The following ZC3H11A variants were observed in gnomAD, a reference collection of about 807,000 sequenced individuals.
The protein encoded by ZC3H11A is zinc finger CCCH domain-containing protein 11A.
Under a neutral mutation model 90.8 loss-of-function variants are expected in ZC3H11A, and 22 were observed. The observed-to-expected ratio is 0.24, with a 90% confidence interval of 0.17 to 0.35. The LOEUF (loss-of-function observed/expected upper bound fraction) is 0.35. Among genes scored for constraint, ZC3H11A ranks in the 10% least tolerant of loss-of-function variants. The pLI is 1.00. For synonymous variants in ZC3H11A, 294 were observed against 339.8 expected (o/e 0.87, Z 1.48); for missense variants, 701 against 964.9 (o/e 0.73, Z 3.62).
chr1:203,809,489 A>G (rs1433821163), intron 2 of ZC3H11A, among the ~76,000 whole-genome samples: 1 of 151,824 alleles, frequency 6.6e-6, no homozygotes, highest in East Asian at 1.9e-4. Flanking sequence ...CTCTTTTTTC[A>G]TAGTGGTATG....
chr1:203,819,486 T>C, intron 4 of ZC3H11A, among the ~76,000 whole-genome samples: 1 of 150,520 alleles, frequency 6.6e-6, no homozygotes, highest in Non-Finnish European at 1.5e-5. Context: ...CCTCTGAAAG[T>C]GCTGGGATTA....
At chr1:203,843,122 C>G (rs1270930638) in intron 12 of ZC3H11A, among the ~76,000 whole-genome samples, 1 of 152,026 alleles carries the variant, frequency 6.6e-6, no homozygotes, top group Non-Finnish European at 1.5e-5. Flanking sequence ...TTGTATGCAA[C>G]CTGAATTATT....
chr1:203,833,637 GATATA>G (rs1324496967), intron 9 of ZC3H11A, among the ~76,000 whole-genome samples, 149 bp from the exon 10 acceptor site: 2 of 62,238 alleles, frequency 3.2e-5, no homozygotes, highest in African/African-American at 1.0e-4. Flanking sequence ...TTTTTTTTTT[GATATA>G]ATGGCCTTCC....
intron 4 of ZC3H11A, among the ~76,000 whole-genome samples, chr1:203,827,718 A>ACAT (rs1681034077): frequency 1.3e-5 from 2 of 151,916 alleles, no homozygotes; most frequent in Non-Finnish European, 2.9e-5. Flanking sequence ...TGGGAAGGAT[A>ACAT]CCTAACATCC....
intron 4 of ZC3H11A, among the ~76,000 whole-genome samples, chr1:203,820,466 T>TTGTG (rs144962991): frequency 2.9e-5 from 4 of 136,470 alleles, no homozygotes; most frequent in South Asian, 4.5e-4. Flanking sequence ...ATATCACAAA[T>TTGTG]TATGTGTGTG....
At position 203,847,661 on chromosome 1, in the gene ZC3H11A, G is replaced by A. The variant is rs142558234; in HGVS notation, c.1520G>A (p.Arg507Gln). The change falls in exon 13 of 18, where the codon CGG becomes CAG. Residue 507 changes from arginine to glutamine, a missense_variant. Physicochemically the swap from Arg to Gln is conservative, Grantham distance 43. Coordinates refer to ENST00000367210, the MANE Select transcript of ZC3H11A (RefSeq NM_001376342.1). ...SQHEATPGAR[R>Q]LLRITKRTGM... ...CACGAGGCCACTCCAGGGGCAAGGCGGCTGCTGCGAATCACCAAAAGAACA... is the reference window on the plus strand; with the variant it reads ...CACGAGGCCACTCCAGGGGCAAGGCAGCTGCTGCGAATCACCAAAAGAACA... 81 of 1,612,260 alleles carry A rather than the reference G, an allele frequency of 5.0e-5. No individual in the cohort carries two copies. Among genetic ancestry groups the A allele is most frequent in the Admixed American group, 1.8e-4 (11 of 59,772 alleles).
In ZC3H11A at chr1:203,817,135, A is replaced by G; in HGVS notation, c.54+11A>G. Reference sequence around the variant, plus strand: ...TCCACATGTACCAAAGTAAGAATTGACATCTTTAAATCAGTTCTTTCTACA... The same window carrying G: ...TCCACATGTACCAAAGTAAGAATTGGCATCTTTAAATCAGTTCTTTCTACA... On this transcript the variant is annotated intron_variant, in intron 3 of 17. Transcript: ENST00000367210. The G allele has an allele frequency of 6.2e-7, 1 of 1,601,650 alleles. No homozygotes were observed. The highest frequency in any genetic ancestry group is 8.5e-7 in the Non-Finnish European group (1 of 1,173,112).
rs772362941 is a variant in ZC3H11A at position 203,851,175 on chromosome 1, T to G, written c.2174+51T>G. On this transcript the variant is annotated intron_variant, in intron 17 of 17. Coordinates refer to ENST00000367210, the MANE Select transcript of ZC3H11A (RefSeq NM_001376342.1). ...CAAACTCCAGGCCCCTGTTACTGTT[T>G]AGGCTCTCTAGAGAATAACACTGAT... is the stretch of plus-strand genomic sequence containing the variant. 4 of 1,540,156 alleles carry G rather than the reference T, an allele frequency of 2.6e-6. No homozygotes were observed. In the East Asian group the frequency reaches 9.0e-5, roughly 35 times the overall value.
chr1:203,832,991 T>C (rs934694879), intron 9 of ZC3H11A, among the ~76,000 whole-genome samples: 1 of 152,134 alleles, frequency 6.6e-6, no homozygotes, highest in Non-Finnish European at 1.5e-5. Flanking sequence ...CCCAGCACTT[T>C]GGGAGGCTGA....
At chr1:203,829,411 A>G (rs1381414178) in intron 5 of ZC3H11A, 40 bp from the exon 6 acceptor site, 2 of 1,610,100 alleles carry the variant, frequency 1.2e-6, no homozygotes, top group South Asian at 2.2e-5. Context: ...TTGGGGTTGT[A>G]TCTTCTGTTT....
In ZC3H11A at chr1:203,795,743, C is replaced by T. The variant is rs1668175483; in HGVS notation, c.-1639C>T. 6.6e-6 allele frequency: 1 copy of T among 152,180 alleles called. No individual in the cohort carries two copies. Among genetic ancestry groups the T allele is most frequent in the African/African-American group, 2.4e-5 (1 of 41,440 alleles). 9.4% of individuals were successfully genotyped at this position (152,180 alleles called of 1,614,324 possible). Reference sequence around the variant, plus strand: ...CCAAGCAAGAAGAAAGACGTGGCAGCAAGCGGGAGTCGGGGATAGTGTCAT... The same window carrying T: ...CCAAGCAAGAAGAAAGACGTGGCAGTAAGCGGGAGTCGGGGATAGTGTCAT... On this transcript the variant is annotated 5_prime_UTR_variant, in exon 1 of 18. Coordinates refer to ENST00000367210, the MANE Select transcript of ZC3H11A (RefSeq NM_001376342.1).
intron 10 of ZC3H11A, 116 bp from the exon 11 acceptor site, chr1:203,837,850 C>A: frequency 1.1e-6 from 1 of 923,802 alleles, no homozygotes. Flanking sequence ...AACAAACACG[C>A]CATATGTATG....
rs756553455 is a variant in ZC3H11A, at chr1:203,800,037, A to G, written c.-1587-1538A>G. On this transcript the variant is annotated intron_variant, in intron 1 of 17. Transcript: ENST00000367210. ...CTCATCTCTAAAAGAAGGCACCTCCAGTTCAGGTTCTGTTGATAGCTCAGC... is the reference window on the plus strand; with the variant it reads ...CTCATCTCTAAAAGAAGGCACCTCCGGTTCAGGTTCTGTTGATAGCTCAGC... The G allele has an allele frequency of 5.2e-6, 8 of 1,536,136 alleles. No individual in the cohort carries two copies. In the South Asian group the frequency reaches 8.3e-5, roughly 16 times the overall value.
intron 2 of ZC3H11A, chr1:203,805,622 G>A: frequency 1.5e-6 from 1 of 680,186 alleles, no homozygotes; most frequent in Non-Finnish European, 2.8e-6. Flanking sequence ...GCAAATGTAT[G>A]AAGCAGGGAT....
rs566174923 is a variant in ZC3H11A at position 203,840,251 on chromosome 1, A to C, written c.974-55A>C. 6.4e-6 allele frequency: 10 copies of C among 1,559,644 alleles called. No individual in the cohort carries two copies. The South Asian group carries it at 8.9e-5, about 14-fold the overall frequency. ...ACCATGCCCAGCAAACCTGTATTTA[A>C]GCTGTAAAAAGTTTCTGTTCAACTT... On this transcript the variant is annotated intron_variant, in intron 11 of 17. Coordinates refer to ENST00000367210, the MANE Select transcript of ZC3H11A (RefSeq NM_001376342.1).
chr1:203,799,718 C>A (rs1301296745), intron 1 of ZC3H11A: 4 of 732,002 alleles, frequency 5.5e-6, no homozygotes, highest in Non-Finnish European at 9.7e-6. Context: ...ATTTTCAAGT[C>A]AGAGGTATTA....
At chr1:203,824,352 A>G (rs1171426147) in intron 4 of ZC3H11A, among the ~76,000 whole-genome samples, 1 of 152,104 alleles carries the variant, frequency 6.6e-6, no homozygotes, top group Non-Finnish European at 1.5e-5. Context: ...CTCTGGAAGT[A>G]TAAAGGTGAA....
At chr1:203,805,637 G>A (rs1672067064) in intron 2 of ZC3H11A, 1 of 695,468 alleles carries the variant, frequency 1.4e-6, no homozygotes, top group Admixed American at 1.8e-5. Context: ...AGGGATCTGT[G>A]GCAATCCAAA....
intron 10 of ZC3H11A, among the ~76,000 whole-genome samples, chr1:203,834,844 A>G (rs1357253016): frequency 6.6e-6 from 1 of 152,068 alleles, no homozygotes; most frequent in Non-Finnish European, 1.5e-5. Context: ...GGTTTCCACC[A>G]TGTTGGCCAG....
Sources: gnomAD v4.1 joint callset for allele counts (sites outside exome capture counted in the v4.1 genomes callset) on GRCh38, gnomAD v4.1.1 for gene constraint, MANE v1.5 for transcripts, NCBI Gene and HGNC (gene_info 2026-07-23, HGNC 2026-07-21) for gene names.